KLHL8: variants seen among roughly 807,000 people sequenced by gnomAD.
KLHL8 encodes the protein kelch-like protein 8.
A neutral mutation model predicts 63.5 loss-of-function variants in KLHL8; 38 were observed. The observed-to-expected ratio is 0.60, with a 90% CI of 0.46 to 0.78. The LOEUF (loss-of-function observed/expected upper bound fraction) is 0.78, where lower values mean the gene tolerates loss of function less well. KLHL8 is among the 30% of genes least tolerant of loss of function. KLHL8 has a pLI of 0.00. For synonymous variants in KLHL8, 224 were observed against 254.3 expected (o/e 0.88, Z 1.13); for missense variants, 566 against 752.4 (o/e 0.75, Z 2.90).
intron 2 of KLHL8, among the ~76,000 whole-genome samples, chr4:87,187,011 AT>A (rs1731287373): frequency 6.6e-6 from 1 of 151,864 alleles, no homozygotes; most frequent in East Asian, 1.9e-4. Context: ...CACCTTAATT[AT>A]TGAAAAATCA....
chr4:87,170,933 C>T (rs933480428), intron 6 of KLHL8, among the ~76,000 whole-genome samples: 16 of 152,094 alleles, frequency 1.1e-4, no homozygotes, highest in African/African-American at 2.9e-4. Flanking sequence ...GCACACACAG[C>T]GGCATAACTG....
chr4:87,185,203 G>T, intron 3 of KLHL8, 48 bp downstream of exon 3: 3 of 1,455,444 alleles, frequency 2.1e-6, no homozygotes, highest in Non-Finnish European at 2.8e-6. Context: ...ATGTTGATTT[G>T]CTTCCATATC....
At chr4:87,192,578 C>T (rs1578381149) in intron 2 of KLHL8, among the ~76,000 whole-genome samples, 2 of 152,252 alleles carry the variant, frequency 1.3e-5, no homozygotes, top group African/African-American at 4.8e-5. Flanking sequence ...ACCATATAGC[C>T]TATGTACGTA....
At chr4:87,238,519 C>T (rs113438985) in intron 1 of KLHL8, among the ~76,000 whole-genome samples, 14,864 of 152,024 alleles carry the variant, frequency 0.098, 942 homozygotes, top group Middle Eastern at 0.16. Context: ...CTGTCACACA[C>T]ACAAAAAAGT....
chr4:87,211,309 A>C (rs1356346484), intron 1 of KLHL8, among the ~76,000 whole-genome samples: 1 of 152,190 alleles, frequency 6.6e-6, no homozygotes, highest in Non-Finnish European at 1.5e-5. Context: ...TTTACTTTTA[A>C]GTCAGGAAAA....
chr4:87,204,204 G>C (rs1288584256), intron 1 of KLHL8, among the ~76,000 whole-genome samples: 1 of 152,070 alleles, frequency 6.6e-6, no homozygotes, highest in East Asian at 1.9e-4. Flanking sequence ...TCCAGCCTAA[G>C]CAACATAGCC....
chr4:87,168,032 C>A (rs1250274117), intron 8 of KLHL8, among the ~76,000 whole-genome samples: 1 of 152,154 alleles, frequency 6.6e-6, no homozygotes, highest in African/African-American at 2.4e-5. Flanking sequence ...GCTCTCTTTA[C>A]CCCACACCCC....
At chr4:87,219,613 A>C (rs901701738) in intron 1 of KLHL8, 3 of 152,350 alleles carry the variant, frequency 2.0e-5, no homozygotes, top group Admixed American at 2.0e-4. Context: ...CCAGTAAAGC[A>C]CGAGACACGT....
rs1730589807 is a variant in KLHL8 at position 87,170,369 on chromosome 4, T to C, written c.1377+78A>G. ...ATATATAATATCTTCATACTGGTGA[T>C]GATATATTGGACCTTTCCTTATTTT... On this transcript the variant is annotated intron_variant, in intron 7 of 9. Transcript: ENST00000273963. 6 of 1,439,000 alleles carry C rather than the reference T, an allele frequency of 4.2e-6. No individual in the cohort carries two copies. The South Asian group carries it at 6.7e-5, about 16-fold the overall frequency. 89.1% of individuals were successfully genotyped at this position (1,439,000 alleles called of 1,614,324 possible). A position where few individuals can be genotyped will look rare whatever the true frequency, so the allele number is the denominator to read the frequency against.
chr4:87,171,013 C>A (rs897796523), intron 6 of KLHL8, among the ~76,000 whole-genome samples: 2 of 152,162 alleles, frequency 1.3e-5, no homozygotes, highest in African/African-American at 2.4e-5. Context: ...CAAATCCATG[C>A]AATTACAGAG....
Position 87,161,041 on chromosome 4 carries a change from C to CTTTTTTT in KLHL8, c.*2471_*2477dup, listed in dbSNP as rs71660119. On this transcript the variant is annotated 3_prime_UTR_variant, in exon 10 of 10. Transcript: ENST00000273963. ...GCACATATTGATTCTGCTTTTTTAT[C>CTTTTTTT]TTTTTTTTTTTTTTTTTTTTGAGAT... The CTTTTTTT allele has an allele frequency of 1.0e-4, 12 of 115,072 alleles. No homozygotes were observed. The highest frequency in any genetic ancestry group is 1.7e-4 in the African/African-American group (5 of 30,284). The allele number at this position is 115,072 out of a possible 1,614,324, so 7.1% of individuals were successfully genotyped here.
At chr4:87,190,026 T>A (rs1383372208) in intron 2 of KLHL8, among the ~76,000 whole-genome samples, 1 of 104,642 alleles carries the variant, frequency 9.6e-6, no homozygotes, top group Non-Finnish European at 1.9e-5. Flanking sequence ...AGAGTGAGCC[T>A]CCATCTCAAA....
At chr4:87,226,233 C>G (rs1051396088) in intron 1 of KLHL8, among the ~76,000 whole-genome samples, 1 of 151,976 alleles carries the variant, frequency 6.6e-6, no homozygotes. Context: ...TCCAAATGTA[C>G]GATGTCTGTG....
At chr4:87,181,838 G>T (rs1400176933) in intron 4 of KLHL8, among the ~76,000 whole-genome samples, 1 of 152,092 alleles carries the variant, frequency 6.6e-6, no homozygotes, top group Non-Finnish European at 1.5e-5. Context: ...AACCTAGGCT[G>T]CTAAGATGTT....
At chr4:87,213,372 C>T (rs1732479627) in intron 1 of KLHL8, among the ~76,000 whole-genome samples, 1 of 152,102 alleles carries the variant, frequency 6.6e-6, no homozygotes, top group African/African-American at 2.4e-5. Context: ...TAATTTGTTG[C>T]CAAGTATCAA....
At chr4:87,218,127 A>T (rs1192694415) in intron 1 of KLHL8, among the ~76,000 whole-genome samples, 1 of 152,206 alleles carries the variant, frequency 6.6e-6, no homozygotes, top group Non-Finnish European at 1.5e-5. Context: ...CTGTAGGGGT[A>T]GGCGATACAT....
chr4:87,163,145 C>T lies in KLHL8; in HGVS notation c.*374G>A, dbSNP rs1034628286. 1.8e-5 allele frequency: 3 copies of T among 167,812 alleles called. No individual in the cohort carries two copies. The South Asian group carries it at 4.6e-4, about 26-fold the overall frequency. 10.4% of individuals were successfully genotyped at this position (167,812 alleles called of 1,614,324 possible). On this transcript the variant is annotated 3_prime_UTR_variant, in exon 10 of 10. Coordinates refer to ENST00000273963, the MANE Select transcript of KLHL8 (RefSeq NM_020803.5). Reference sequence around the variant, plus strand: ...CCTCTAGGAAAAACCCACTGCCTGACGTTAACATCTTTAGGCAAAAGAAAA... The same window carrying T: ...CCTCTAGGAAAAACCCACTGCCTGATGTTAACATCTTTAGGCAAAAGAAAA...
At chr4:87,234,926 AAAAAG>A (rs1461169454) in intron 1 of KLHL8, among the ~76,000 whole-genome samples, 2 of 152,194 alleles carry the variant, frequency 1.3e-5, no homozygotes, top group African/African-American at 4.8e-5. Flanking sequence ...CCAACAGTTT[AAAAAG>A]AAAAGAAAAG....
Position 87,185,696 on chromosome 4 carries a change from A to G in KLHL8, c.320T>C (p.Leu107Pro). Residue 107 changes from leucine (L) to proline (P), a missense_variant, in exon 3 of 10, where the codon CTG (leucine) becomes CCG (proline). Physicochemically the swap from Leu to Pro is moderately conservative, Grantham distance 98 (BLOSUM62 -3). Coordinates refer to ENST00000273963, the MANE Select transcript of KLHL8 (RefSeq NM_020803.5). Reference sequence around the variant, plus strand: ...ACCATCAAAATCTCTAATCTCAATCAGCGTTTGCTTGGCTTCAGCCATTTC... The same window carrying G: ...ACCATCAAAATCTCTAATCTCAATCGGCGTTTGCTTGGCTTCAGCCATTTC... Reference protein sequence around the residue: ...LSEMAEAKQTLIEIRDFDGDA... With the variant: ...LSEMAEAKQTPIEIRDFDGDA... 1 of 1,614,184 alleles carries G rather than the reference A, an allele frequency of 6.2e-7. No homozygotes were observed. Among genetic ancestry groups the G allele is most frequent in the Non-Finnish European group, 8.5e-7 (1 of 1,180,018 alleles).
Sources: allele counts gnomAD v4.1 joint callset (sites outside exome capture counted in the v4.1 genomes callset), GRCh38; gene constraint gnomAD v4.1.1; transcripts MANE v1.5; gene names NCBI Gene and HGNC (gene_info 2026-07-23, HGNC 2026-07-21).